Variants in CDH13 observed in about 807,000 individuals in gnomAD.
CDH13 encodes the protein cadherin-13.
CDH13 carries 24 observed loss-of-function variants against 63.8 expected under a neutral mutation model. The ratio of observed to expected loss-of-function variants is 0.38; its 90% CI spans 0.27 to 0.53. The LOEUF (loss-of-function observed/expected upper bound fraction) is 0.53, where lower values mean the gene tolerates loss of function less well. Among genes scored for constraint, CDH13 ranks in the 20% least tolerant of loss-of-function variants. CDH13 has a pLI of 0.85. For missense variants in CDH13, 1,049 were observed against 903.1 expected (o/e 1.16, Z -2.07); for synonymous variants, 503 against 355.3 (o/e 1.42, Z -4.67).
intron 4 of CDH13, among the ~76,000 whole-genome samples, chr16:83,191,051 C>T (rs973134698): frequency 5.3e-5 from 8 of 151,270 alleles, no homozygotes; most frequent in Admixed American, 2.0e-4. Context: ...GTAGTGATTC[C>T]GAGCAAAGGT....
intron 5 of CDH13, among the ~76,000 whole-genome samples, chr16:83,248,517 G>A (rs1905187626): frequency 6.6e-6 from 1 of 152,106 alleles, no homozygotes; most frequent in Admixed American, 6.5e-5. Context: ...AGGCTCAAGG[G>A]TCATCAGGTA....
chr16:83,469,909 T>C lies in CDH13; in HGVS notation c.782-16568T>C, dbSNP rs112479795. 3.8e-3 allele frequency among the ~76,000 whole-genome samples: 585 copies of C among 152,352 alleles called. 3 individuals are homozygous for C. The highest frequency in any genetic ancestry group is 0.013 in the African/African-American group (559 of 41,584). On this transcript the variant is annotated intron_variant, in intron 6 of 13. Coordinates refer to ENST00000567109, the MANE Select transcript of CDH13 (RefSeq NM_001257.5). ...TACACACTGAGGAGGCTGCTGCAGT[T>C]TCTCCAAACCCCTACAGGCTGGGAG...
intron 3 of CDH13, among the ~76,000 whole-genome samples, chr16:83,040,984 C>T (rs1335285259): frequency 6.6e-6 from 1 of 152,174 alleles, no homozygotes; most frequent in Non-Finnish European, 1.5e-5. Flanking sequence ...TACACCATCA[C>T]CACTCTTATT....
At chr16:83,716,269 G>A (rs1022082055) in intron 10 of CDH13, among the ~76,000 whole-genome samples, 1 of 151,924 alleles carries the variant, frequency 6.6e-6, no homozygotes, top group African/African-American at 2.4e-5. Context: ...ACCTTGACAC[G>A]TCATGATCAC....
At chr16:83,344,376 G>C (rs930227172) in intron 5 of CDH13, among the ~76,000 whole-genome samples, 4 of 152,188 alleles carry the variant, frequency 2.6e-5, no homozygotes, top group African/African-American at 9.7e-5. Context: ...TGCAAATTCT[G>C]AGTTCCTAGC....
chr16:83,516,621 G>T (rs1476322338), intron 7 of CDH13, among the ~76,000 whole-genome samples: 2 of 152,184 alleles, frequency 1.3e-5, no homozygotes, highest in Non-Finnish European at 2.9e-5. Context: ...GAGAATGGCT[G>T]TCTGAATTGT....
At chr16:83,275,393 G>T (rs1276179295) in intron 5 of CDH13, among the ~76,000 whole-genome samples, 1 of 152,136 alleles carries the variant, frequency 6.6e-6, no homozygotes, top group African/African-American at 2.4e-5. Flanking sequence ...CTAATTTCCT[G>T]TCTGATCAGA....
intron 10 of CDH13, among the ~76,000 whole-genome samples, chr16:83,707,223 A>C (rs1444925374): frequency 6.6e-6 from 1 of 152,138 alleles, no homozygotes; most frequent in African/African-American, 2.4e-5. Context: ...CACCCATCAC[A>C]ATCCTGTTGG....
intron 2 of CDH13, among the ~76,000 whole-genome samples, chr16:82,961,827 T>C (rs1424525758): frequency 1.3e-5 from 2 of 152,120 alleles, no homozygotes; most frequent in Non-Finnish European, 2.9e-5. Flanking sequence ...GTTGTCACCG[T>C]TGGGATGGGG....
chr16:83,590,071 G>A (rs185732926), intron 7 of CDH13, among the ~76,000 whole-genome samples: 1 of 152,314 alleles, frequency 6.6e-6, no homozygotes, highest in East Asian at 1.9e-4. Context: ...ATAACACTGA[G>A]TGAGGAGAAC....
intron 4 of CDH13, among the ~76,000 whole-genome samples, chr16:83,202,075 A>G (rs1481641201): frequency 6.6e-6 from 1 of 152,124 alleles, no homozygotes; most frequent in East Asian, 1.9e-4. Flanking sequence ...GGTCTCTGCT[A>G]ATGGCCCCAT....
At chr16:82,742,390 T>A (rs941423614) in intron 1 of CDH13, among the ~76,000 whole-genome samples, 3 of 152,122 alleles carry the variant, frequency 2.0e-5, no homozygotes, top group African/African-American at 7.2e-5. Flanking sequence ...AATGAAAAGA[T>A]CTAAAAATAT....
At chr16:83,355,845 C>T (rs188853692) in intron 6 of CDH13, among the ~76,000 whole-genome samples, 2 of 152,142 alleles carry the variant, frequency 1.3e-5, no homozygotes, top group African/African-American at 2.4e-5. Flanking sequence ...TGATGCCTGT[C>T]CCAGGGTAAC....
intron 1 of CDH13, among the ~76,000 whole-genome samples, chr16:82,777,643 G>T (rs1249276807): frequency 6.6e-6 from 1 of 152,182 alleles, no homozygotes; most frequent in Non-Finnish European, 1.5e-5. Context: ...CACAATTTCT[G>T]TGCAGCAAGA....
At chr16:83,737,636 C>G (rs1411521845) in intron 10 of CDH13, among the ~76,000 whole-genome samples, 3 of 152,028 alleles carry the variant, frequency 2.0e-5, no homozygotes, top group African/African-American at 7.3e-5. Context: ...AATCATTATT[C>G]TCAGAATGGT....
At chr16:83,673,433 A>T (rs1377096845) in intron 9 of CDH13, among the ~76,000 whole-genome samples, 1 of 152,040 alleles carries the variant, frequency 6.6e-6, no homozygotes, top group South Asian at 2.1e-4. Context: ...TTCTGAAACT[A>T]TACCTGGCAT....
At position 83,783,413 on chromosome 16, in the gene CDH13, C is replaced by G; in HGVS notation, c.2075C>G (p.Ala692Gly). Residue 692 changes from alanine (A) to glycine (G), a missense_variant, in exon 13 of 14, where the codon GCA (alanine) becomes GGA (glycine). By Grantham distance (60) the Ala-to-Gly change is moderately conservative. Coordinates refer to ENST00000567109, the MANE Select transcript of CDH13 (RefSeq NM_001257.5). ...AATTCCAAAGTGGACTGCAACGCGGCAGGGGCCCTGCGCTTCAGCCTGCCC... is the reference window on the plus strand; with the variant it reads ...AATTCCAAAGTGGACTGCAACGCGGGAGGGGCCCTGCGCTTCAGCCTGCCC... The part of the protein sequence containing the change: ...CRNSKVDCNA[A>G]GALRFSLPSV... The G allele has an allele frequency of 6.2e-7, 1 of 1,613,934 alleles. No individual in the cohort carries two copies. Among genetic ancestry groups the G allele is most frequent in the East Asian group, 2.2e-5 (1 of 44,870 alleles).
At chr16:83,784,540 C>T (rs1051149355) in intron 13 of CDH13, among the ~76,000 whole-genome samples, 1 of 148,772 alleles carries the variant, frequency 6.7e-6, no homozygotes, top group African/African-American at 2.5e-5. Flanking sequence ...GCTGAGGCAG[C>T]AGAATCACTT....
At chr16:83,171,505 T>C in intron 4 of CDH13, 1 of 1,530,840 alleles carries the variant, frequency 6.5e-7, no homozygotes, top group South Asian at 1.2e-5. Context: ...TGCCCATAAA[T>C]AATCTTTGTT....
Sources: gnomAD v4.1 joint callset for allele counts (sites outside exome capture counted in the v4.1 genomes callset) on GRCh38, gnomAD v4.1.1 for gene constraint, MANE v1.5 for transcripts, NCBI Gene and HGNC (gene_info 2026-07-23, HGNC 2026-07-21) for gene names.